KCNH7: variants seen among roughly 807,000 people sequenced by gnomAD.
The protein encoded by KCNH7 is potassium voltage-gated channel subfamily H member 7.
Under a neutral mutation model 120.8 loss-of-function variants are expected in KCNH7, and 49 were observed. That is an observed-to-expected ratio of 0.41 (90% confidence interval 0.32 to 0.51). The LOEUF is 0.51. Among genes scored for constraint, KCNH7 ranks in the 20% least tolerant of loss-of-function variants. KCNH7 has a pLI of 0.38. For synonymous variants in KCNH7, 547 were observed against 516.1 expected (o/e 1.06, Z -0.81); for missense variants, 1,097 against 1,446.6 (o/e 0.76, Z 3.92).
intron 2 of KCNH7, among the ~76,000 whole-genome samples, chr2:162,649,966 A>C (rs1016132942): frequency 2.6e-5 from 4 of 152,164 alleles, no homozygotes; most frequent in African/African-American, 9.7e-5. Context: ...AAAGCAAAGG[A>C]ATGCAGTAAA....
intron 2 of KCNH7, among the ~76,000 whole-genome samples, chr2:162,634,232 A>G (rs1269856584): frequency 2.0e-5 from 3 of 152,022 alleles, no homozygotes; most frequent in Non-Finnish European, 4.4e-5. Context: ...GCACTATTAA[A>G]TACTATTAAA....
chr2:162,726,349 A>G (rs1687518169), intron 2 of KCNH7, among the ~76,000 whole-genome samples: 1 of 152,184 alleles, frequency 6.6e-6, no homozygotes, highest in Admixed American at 6.6e-5. Context: ...AAGAGTAACA[A>G]TGAATTTTTA....
Position 162,375,894 on chromosome 2 carries a change from C to CT in KCNH7, c.3132-2233dup, listed in dbSNP as rs200802366. 4.5e-4 allele frequency among the ~76,000 whole-genome samples: 58 copies of CT among 127,640 alleles called. 2 individuals are homozygous for CT. The East Asian group carries it at 0.013, about 29-fold the overall frequency. The allele number at this position is 127,640 out of a possible 152,430, so 83.7% of individuals were successfully genotyped here. On this transcript the variant is annotated intron_variant, in intron 14 of 15. Transcript: ENST00000332142. Reference sequence around the variant, plus strand: ...GACAGAGGACAGAGCCAGACCCTATCTAAAAAAAAAAAAAAAAGAAAAAAA... The same window carrying CT: ...GACAGAGGACAGAGCCAGACCCTATCTTAAAAAAAAAAAAAAAAGAAAAAAA...
intron 14 of KCNH7, among the ~76,000 whole-genome samples, chr2:162,378,496 T>C (rs992771896): frequency 6.6e-5 from 10 of 152,196 alleles, no homozygotes; most frequent in Non-Finnish European, 1.3e-4. Flanking sequence ...GTTTGTGATA[T>C]AGGCAAAACT....
rs539740592 is a variant in KCNH7 at position 162,657,586 on chromosome 2, A to G, written c.308-120506T>C. ...ACAGTTTATTTATCTGTTTACCTACATAAAAAATATTTTGTCTGCTTCAAG... is the reference window on the plus strand; with the variant it reads ...ACAGTTTATTTATCTGTTTACCTACGTAAAAAATATTTTGTCTGCTTCAAG... On this transcript the variant is annotated intron_variant, in intron 2 of 15. Transcript: ENST00000332142. Among the ~76,000 whole-genome samples the G allele has an allele frequency of 2.0e-3, 305 of 152,306 alleles. 1 individual carries two copies. Among genetic ancestry groups the G allele is most frequent in the African/African-American group, 7.0e-3 (289 of 41,562 alleles).
chr2:162,522,831 T>C (rs541289439), intron 3 of KCNH7, among the ~76,000 whole-genome samples: 2 of 151,996 alleles, frequency 1.3e-5, no homozygotes, highest in African/African-American at 4.8e-5. Context: ...ATATAGTTGT[T>C]AATATGCATG....
chr2:162,440,051 C>T (rs1688372474), intron 7 of KCNH7, among the ~76,000 whole-genome samples: 1 of 151,390 alleles, frequency 6.6e-6, no homozygotes, highest in South Asian at 2.1e-4. Flanking sequence ...AAATTGTCTA[C>T]AGTTAAATGA....
intron 2 of KCNH7, among the ~76,000 whole-genome samples, chr2:162,781,128 T>C (rs903443058): frequency 6.6e-6 from 1 of 152,078 alleles, no homozygotes; most frequent in Non-Finnish European, 1.5e-5. Context: ...TTTGAAGTAT[T>C]ATATACCAAG....
At chr2:162,705,280 G>C (rs939722551) in intron 2 of KCNH7, among the ~76,000 whole-genome samples, 2 of 152,050 alleles carry the variant, frequency 1.3e-5, no homozygotes, top group Non-Finnish European at 2.9e-5. Context: ...AGAAACTAGA[G>C]ATACTATCTG....
intron 2 of KCNH7, among the ~76,000 whole-genome samples, chr2:162,751,618 C>A (rs1574340924): frequency 6.6e-6 from 1 of 151,494 alleles, no homozygotes; most frequent in Non-Finnish European, 1.5e-5. Flanking sequence ...GATATGTAGG[C>A]AAGTTGTAAA....
chr2:162,725,550 T>C (rs1250376811), intron 2 of KCNH7, among the ~76,000 whole-genome samples: 1 of 152,200 alleles, frequency 6.6e-6, no homozygotes, highest in African/African-American at 2.4e-5. Flanking sequence ...TATCTTGTCT[T>C]ACTCAATCTC....
intron 3 of KCNH7, among the ~76,000 whole-genome samples, chr2:162,521,096 A>G (rs1179664348): frequency 2.6e-5 from 4 of 151,784 alleles, no homozygotes; most frequent in African/African-American, 4.8e-5. Flanking sequence ...CACCCCTTTC[A>G]TAGCTTTCAC....
In KCNH7 at chr2:162,653,327, T is replaced by C. The variant is rs190832977; in HGVS notation, c.308-116247A>G. Among the ~76,000 whole-genome samples, 58 of 152,302 alleles carry C rather than the reference T, an allele frequency of 3.8e-4. 1 individual carries two copies. The highest frequency in any genetic ancestry group is 1.3e-3 in the African/African-American group (53 of 41,570). On this transcript the variant is annotated intron_variant, in intron 2 of 15. Transcript: ENST00000332142. Reference sequence around the variant, plus strand: ...TAAGTTGTCTTGTTTGCAAAGGACATGATCTCAGATTTCACTAAAAAACTA... The same window carrying C: ...TAAGTTGTCTTGTTTGCAAAGGACACGATCTCAGATTTCACTAAAAAACTA...
chr2:162,800,029 A>G (rs1684287033), intron 2 of KCNH7, among the ~76,000 whole-genome samples: 1 of 151,802 alleles, frequency 6.6e-6, no homozygotes, highest in Non-Finnish European at 1.5e-5. Context: ...AAGAAAATAT[A>G]AATATATACA....
chr2:162,592,626 T>C (rs898681549), intron 2 of KCNH7, among the ~76,000 whole-genome samples: 14 of 152,052 alleles, frequency 9.2e-5, no homozygotes, highest in Non-Finnish European at 1.8e-4. Context: ...ATGCTTACTA[T>C]CTCTCCCTCC....
rs190563891 is a variant in KCNH7 at position 162,692,220 on chromosome 2, G to T, written c.307+144317C>A. Among the ~76,000 whole-genome samples the T allele has an allele frequency of 3.9e-3, 585 of 151,524 alleles. 1 individual carries two copies. The highest frequency in any genetic ancestry group is 6.7e-3 in the Non-Finnish European group (456 of 67,898). On this transcript the variant is annotated intron_variant, in intron 2 of 15. Coordinates refer to ENST00000332142, the MANE Select transcript of KCNH7 (RefSeq NM_033272.4). ...GGCTCACTGCAACATCCACCTCTTG[G>T]GTTCAAGCAATTCTTGTGCCTCAGC...
At chr2:162,695,464 G>C (rs1252232836) in intron 2 of KCNH7, among the ~76,000 whole-genome samples, 1 of 152,020 alleles carries the variant, frequency 6.6e-6, no homozygotes, top group Non-Finnish European at 1.5e-5. Flanking sequence ...ATATTTCTGT[G>C]AACTCCAAAA....
In KCNH7 at chr2:162,533,062, C is replaced by T. The variant is rs115012643; in HGVS notation, c.463+3863G>A. 2.3e-3 allele frequency among the ~76,000 whole-genome samples: 353 copies of T among 151,708 alleles called. 1 individual carries two copies. Among genetic ancestry groups the T allele is most frequent in the African/African-American group, 8.1e-3 (334 of 41,428 alleles). ...TTTTGCCGTAATAATTTTATTTTTGCTCAAAATAGGGAACCAAAATACACT... is the reference window on the plus strand; with the variant it reads ...TTTTGCCGTAATAATTTTATTTTTGTTCAAAATAGGGAACCAAAATACACT... On this transcript the variant is annotated intron_variant, in intron 3 of 15. Coordinates refer to ENST00000332142, the MANE Select transcript of KCNH7 (RefSeq NM_033272.4).
chr2:162,472,595 G>A (rs1218503042), intron 6 of KCNH7, among the ~76,000 whole-genome samples: 3 of 152,220 alleles, frequency 2.0e-5, no homozygotes, highest in African/African-American at 7.2e-5. Flanking sequence ...AACGACAGGT[G>A]CTGGAGAGGA....
Sources: allele counts gnomAD v4.1 joint callset (sites outside exome capture counted in the v4.1 genomes callset), GRCh38; gene constraint gnomAD v4.1.1; transcripts MANE v1.5; gene names NCBI Gene and HGNC (gene_info 2026-07-23, HGNC 2026-07-21).